The following PTK2 variants were observed in gnomAD, a reference collection of about 807,000 sequenced individuals.
PTK2 encodes the protein protein tyrosine kinase 2, also known as focal adhesion kinase 1.
A neutral mutation model predicts 150.1 loss-of-function variants in PTK2; 45 were observed. That is an observed-to-expected ratio of 0.30 (90% confidence interval 0.24 to 0.38). The LOEUF (loss-of-function observed/expected upper bound fraction) is 0.38, where lower values mean the gene tolerates loss of function less well. Among genes scored for constraint, PTK2 ranks in the 10% least tolerant of loss-of-function variants. The pLI, the probability that PTK2 is intolerant of heterozygous loss-of-function variation, is 1.00. For missense variants in PTK2, 919 were observed against 1,307.3 expected (o/e 0.70, Z 4.58); for synonymous variants, 432 against 449.2 (o/e 0.96, Z 0.48).
intron 10 of PTK2, among the ~76,000 whole-genome samples, chr8:140,809,801 G>T (rs946426495): frequency 3.3e-5 from 5 of 152,040 alleles, no homozygotes; most frequent in African/African-American, 1.2e-4. Flanking sequence ...GTGAGACCGT[G>T]TCTCAAAAAA....
chr8:140,707,651 T>TG (rs1346521489), intron 23 of PTK2, among the ~76,000 whole-genome samples: 2 of 152,208 alleles, frequency 1.3e-5, no homozygotes, highest in Non-Finnish European at 2.9e-5. Flanking sequence ...GTGATCTGCC[T>TG]GCCTCAGCCT....
chr8:140,901,178 T>C (rs1295199351), intron 2 of PTK2, among the ~76,000 whole-genome samples: 1 of 152,172 alleles, frequency 6.6e-6, no homozygotes, highest in Non-Finnish European at 1.5e-5. Context: ...GTTCCTTTAA[T>C]ACCTGGTGCC....
intron 7 of PTK2, among the ~76,000 whole-genome samples, chr8:140,846,032 C>T (rs1041013720): frequency 2.0e-5 from 3 of 152,112 alleles, no homozygotes; most frequent in African/African-American, 7.2e-5. Flanking sequence ...ATTAAATCTA[C>T]ACAAAGTGTA....
chr8:140,908,014 G>C (rs960198090), intron 2 of PTK2, among the ~76,000 whole-genome samples: 3 of 152,196 alleles, frequency 2.0e-5, no homozygotes, highest in Non-Finnish European at 4.4e-5. Context: ...GCCTAGTGAA[G>C]AAAGCATGTC....
intron 1 of PTK2, among the ~76,000 whole-genome samples, chr8:140,954,372 A>G (rs1741427644): frequency 6.6e-6 from 1 of 152,188 alleles, no homozygotes; most frequent in Admixed American, 6.5e-5. Flanking sequence ...GTCCGGCCGT[A>G]ACTTAGTATC....
intron 31 of PTK2, among the ~76,000 whole-genome samples, chr8:140,664,371 A>G (rs1483445630): frequency 6.6e-6 from 1 of 152,196 alleles, no homozygotes; most frequent in Non-Finnish European, 1.5e-5. Flanking sequence ...GCCTCAAGCC[A>G]TCCTCCTGCC....
intron 26 of PTK2, among the ~76,000 whole-genome samples, chr8:140,692,158 T>C (rs1400849559): frequency 6.6e-6 from 1 of 152,260 alleles, no homozygotes; most frequent in Non-Finnish European, 1.5e-5. Flanking sequence ...GGATTTTAAT[T>C]TTAAAATGAG....
At chr8:140,976,634 T>C (rs1381124768) in intron 1 of PTK2, among the ~76,000 whole-genome samples, 2 of 152,222 alleles carry the variant, frequency 1.3e-5, no homozygotes, top group African/African-American at 4.8e-5. Flanking sequence ...TCAGTTTGGG[T>C]AGAACAGAAT....
intron 4 of PTK2, among the ~76,000 whole-genome samples, chr8:140,875,392 T>A (rs962916866): frequency 2.0e-5 from 3 of 152,150 alleles, no homozygotes; most frequent in Non-Finnish European, 4.4e-5. Flanking sequence ...AACTTGAGTA[T>A]TTATGGAAAG....
intron 1 of PTK2, among the ~76,000 whole-genome samples, chr8:140,981,420 G>C (rs1461719585): frequency 6.6e-6 from 1 of 152,046 alleles, no homozygotes; most frequent in Non-Finnish European, 1.5e-5. Context: ...AGGAGGGAAG[G>C]GTATGTGATC....
At chr8:140,993,345 G>A (rs1278906745) in intron 1 of PTK2, among the ~76,000 whole-genome samples, 2 of 152,094 alleles carry the variant, frequency 1.3e-5, no homozygotes, top group East Asian at 3.8e-4. Flanking sequence ...TTCTTTACCA[G>A]GGCAAACAAA....
At position 140,904,400 on chromosome 8, in the gene PTK2, A is replaced by G. The variant is rs547150733; in HGVS notation, c.-32-13631T>C. Among the ~76,000 whole-genome samples, 17 of 152,322 alleles carry G rather than the reference A, an allele frequency of 1.1e-4. No homozygotes were observed. In the East Asian group the frequency reaches 2.9e-3, roughly 26 times the overall value. The stretch of plus-strand genomic sequence containing the variant: ...CATGTGCTGCTGGATTGGGTTTGCC[A>G]GCATTTTATTGAGGATTTTCGCATC... On this transcript the variant is annotated intron_variant, in intron 2 of 31. Coordinates refer to ENST00000522684, the Ensembl canonical transcript of PTK2.
chr8:140,667,437 G>C lies in PTK2; in HGVS notation c.2865+832C>G, dbSNP rs2092883808. 2.0e-5 allele frequency among the ~76,000 whole-genome samples: 3 copies of C among 149,246 alleles called. No individual in the cohort carries two copies. The Admixed American group carries it at 2.1e-4, about 10-fold the overall frequency. ...CCATTGCTGACTTTCCTTGGACCTAGTGTCCTCTTTCTTTCTCTCTCTCTC... is the reference window on the plus strand; with the variant it reads ...CCATTGCTGACTTTCCTTGGACCTACTGTCCTCTTTCTTTCTCTCTCTCTC... On this transcript the variant is annotated intron_variant, in intron 30 of 31. Transcript: ENST00000522684.
intron 22 of PTK2, among the ~76,000 whole-genome samples, chr8:140,725,024 C>T (rs1295704473): frequency 6.6e-6 from 1 of 152,212 alleles, no homozygotes; most frequent in Admixed American, 6.5e-5. Flanking sequence ...TCATATTTCT[C>T]TCATTGCTTC....
At chr8:140,775,709 A>G (rs1168776802) in intron 14 of PTK2, among the ~76,000 whole-genome samples, 1 of 152,074 alleles carries the variant, frequency 6.6e-6, no homozygotes, top group African/African-American at 2.4e-5. Flanking sequence ...TAGGCCCTGA[A>G]AACTGCAAAT....
chr8:140,666,967 C>A (rs747854526), intron 30 of PTK2, among the ~76,000 whole-genome samples: 3 of 152,172 alleles, frequency 2.0e-5, no homozygotes, highest in Non-Finnish European at 2.9e-5. Flanking sequence ...ACACATGCTA[C>A]AACATGGATG....
chr8:140,931,407 ACC>A (rs1299593239), intron 1 of PTK2, among the ~76,000 whole-genome samples: 1 of 151,914 alleles, frequency 6.6e-6, no homozygotes. Flanking sequence ...ATAAAAAAAT[ACC>A]AAACAATTAG....
chr8:140,685,763 T>A (rs1340594607), intron 27 of PTK2, among the ~76,000 whole-genome samples: 2 of 152,126 alleles, frequency 1.3e-5, no homozygotes, highest in African/African-American at 2.4e-5. Context: ...TGTGGAGAAA[T>A]AGAACACTTA....
intron 1 of PTK2, among the ~76,000 whole-genome samples, chr8:140,977,768 G>A (rs1028870331): frequency 1.3e-5 from 2 of 152,068 alleles, no homozygotes; most frequent in African/African-American, 4.8e-5. Flanking sequence ...CTTGGATAAA[G>A]AGAGATTCCT....
Sources: gnomAD v4.1 joint callset for allele counts (sites outside exome capture counted in the v4.1 genomes callset) on GRCh38, gnomAD v4.1.1 for gene constraint, MANE v1.5 for transcripts, NCBI Gene and HGNC (gene_info 2026-07-23, HGNC 2026-07-21) for gene names.